THBS4: variants seen among roughly 807,000 people sequenced by gnomAD.
THBS4 encodes thrombospondin 4, also known as thrombospondin-4.
A neutral mutation model predicts 115.7 loss-of-function variants in THBS4; 90 were observed. The observed-to-expected ratio is 0.78, with a 90% CI of 0.66 to 0.93. THBS4 has a LOEUF of 0.93. THBS4 is among the 40% of genes least tolerant of loss of function. THBS4 has a pLI of 0.00. For synonymous variants in THBS4, 460 were observed against 479.3 expected (o/e 0.96, Z 0.53); for missense variants, 1,087 against 1,232.7 (o/e 0.88, Z 1.77).
intron 10 of THBS4, 76 bp from the exon 11 acceptor site, chr5:80,070,230 C>CA: frequency 7.9e-7 from 1 of 1,266,032 alleles, no homozygotes; most frequent in African/African-American, 1.5e-5. Flanking sequence ...AGCAAAGGAG[C>CA]AGAGAGGCCC....
intron 4 of THBS4, 138 bp from the exon 5 acceptor site, chr5:80,058,570 T>G (rs1833510074): frequency 1.3e-6 from 1 of 760,098 alleles, no homozygotes; most frequent in Non-Finnish European, 2.3e-6. Flanking sequence ...TTAAAGAAAT[T>G]ACCCCAAATT....
chr5:80,072,111 C>G, intron 13 of THBS4, 167 bp from the exon 14 acceptor site: 1 of 661,586 alleles, frequency 1.5e-6, no homozygotes, highest in South Asian at 1.8e-5. Flanking sequence ...ATTTTTAAGT[C>G]TCCCAGAATC....
intron 16 of THBS4, 134 bp downstream of exon 16, chr5:80,077,182 C>T: frequency 2.5e-6 from 2 of 805,882 alleles, no homozygotes; most frequent in Non-Finnish European, 3.8e-6. Context: ...CACCCAGCTT[C>T]TCTGCATAGC....
At chr5:80,059,340 A>T in intron 5 of THBS4, 100 bp from the exon 6 acceptor site, 1 of 1,176,132 alleles carries the variant, frequency 8.5e-7, no homozygotes, top group East Asian at 2.5e-5. Flanking sequence ...AAAAAAAAAA[A>T]AAAAAAGTGT....
chr5:80,038,276 T>C (rs983257210), intron 1 of THBS4, among the ~76,000 whole-genome samples: 5 of 152,234 alleles, frequency 3.3e-5, no homozygotes, highest in Non-Finnish European at 7.3e-5. Context: ...AATATTTTTC[T>C]ATGCAAAAAT....
At chr5:80,055,579 G>T (rs533591049) in intron 2 of THBS4, among the ~76,000 whole-genome samples, 1 of 108,636 alleles carries the variant, frequency 9.2e-6, no homozygotes, top group Admixed American at 9.1e-5. Context: ...GAGAAGAGTT[G>T]GTTCCCAGTG....
chr5:80,013,203 A>G (rs181339100), intron 2 of THBS4, among the ~76,000 whole-genome samples: 63 of 152,076 alleles, frequency 4.1e-4, no homozygotes, highest in African/African-American at 1.5e-3. Context: ...GCAATGGCGC[A>G]ATCTTGGCTC....
At chr5:80,016,806 T>G (rs1832260938) in intron 2 of THBS4, among the ~76,000 whole-genome samples, 1 of 152,200 alleles carries the variant, frequency 6.6e-6, no homozygotes, top group African/African-American at 2.4e-5. Context: ...TGCTTAAAAT[T>G]CCAACGTTTG....
intron 3 of THBS4, among the ~76,000 whole-genome samples, chr5:80,056,612 C>T (rs908178673): frequency 6.6e-6 from 1 of 152,186 alleles, no homozygotes; most frequent in Non-Finnish European, 1.5e-5. Flanking sequence ...ATTGCACCTG[C>T]TGTAGAAATT....
At chr5:80,076,812 C>T in intron 15 of THBS4, 43 bp from the exon 16 acceptor site, 1 of 1,454,434 alleles carries the variant, frequency 6.9e-7, no homozygotes, top group South Asian at 1.6e-5. Flanking sequence ...CTTCCTGTTC[C>T]CTGCTGAACT....
Position 80,059,508 on chromosome 5 carries a change from T to C in THBS4, c.784+17T>C, listed in dbSNP as rs149327784. The C allele has an allele frequency of 1.9e-6, 3 of 1,613,930 alleles. No individual in the cohort carries two copies. Among genetic ancestry groups the C allele is most frequent in the East Asian group, 2.2e-5 (1 of 44,864 alleles). On this transcript the variant is annotated intron_variant, in intron 6 of 21. Coordinates refer to ENST00000350881, the MANE Select transcript of THBS4 (RefSeq NM_003248.6). ...AGGCTTGCGGTAAGTGCTTTTCTAG[T>C]AATGGGCTCGCCTGAGTTGGATGAT...
intron 1 of THBS4, among the ~76,000 whole-genome samples, chr5:79,994,562 C>G (rs376719182): frequency 8.5e-5 from 13 of 152,278 alleles, no homozygotes; most frequent in East Asian, 5.8e-4. Context: ...GCCTGTAATC[C>G]TAGCACTTTG....
At chr5:80,050,707 G>A (rs987874800) in intron 2 of THBS4, among the ~76,000 whole-genome samples, 1 of 152,182 alleles carries the variant, frequency 6.6e-6, no homozygotes, top group Non-Finnish European at 1.5e-5. Context: ...GAGGGTCTTC[G>A]GGAAAGGGCT....
intron 21 of THBS4, 84 bp downstream of exon 21, chr5:80,082,629 C>CA (rs960467853): frequency 9.1e-6 from 14 of 1,538,004 alleles, no homozygotes; most frequent in Admixed American, 5.2e-5. Context: ...GCACTTCCCC[C>CA]CCAAAAGCCC....
In THBS4 at chr5:80,079,431, A is replaced by G. The variant is rs1032522799; in HGVS notation, c.2511+173A>G. On this transcript the variant is annotated intron_variant, in intron 19 of 21. Transcript: ENST00000350881. Reference sequence around the variant, plus strand: ...ACCCTTGCCTTCATTCCTGTGTGCCAGCTACATTCTAACCTCTCATGGTGG... The same window carrying G: ...ACCCTTGCCTTCATTCCTGTGTGCCGGCTACATTCTAACCTCTCATGGTGG... Among the ~76,000 whole-genome samples the G allele has an allele frequency of 3.3e-5, 5 of 152,250 alleles. No individual in the cohort carries two copies. The South Asian group carries it at 1.0e-3, about 31-fold the overall frequency.
intron 1 of THBS4, among the ~76,000 whole-genome samples, chr5:80,036,769 G>A (rs1263572637): frequency 6.6e-6 from 1 of 152,170 alleles, no homozygotes; most frequent in Admixed American, 6.5e-5. Context: ...TTGGTGCCTG[G>A]GTTGATTTAT....
intron 2 of THBS4, among the ~76,000 whole-genome samples, chr5:80,054,008 C>A (rs1168814319): frequency 6.6e-6 from 1 of 152,094 alleles, no homozygotes; most frequent in Non-Finnish European, 1.5e-5. Flanking sequence ...AGTAAAAAAA[C>A]AAGGCTGAAA....
chr5:80,074,655 GCT>G (rs1460244749), intron 15 of THBS4, among the ~76,000 whole-genome samples: 3 of 142,504 alleles, frequency 2.1e-5, no homozygotes, highest in African/African-American at 8.0e-5. Context: ...ATGGAGTCTT[GCT>G]CTGTCACCCA....
chr5:80,053,316 C>T (rs1343579023), intron 2 of THBS4, among the ~76,000 whole-genome samples: 1 of 151,900 alleles, frequency 6.6e-6, no homozygotes, highest in Admixed American at 6.6e-5. Context: ...AGTAGCCAGC[C>T]CTCTCCTTTT....
Sources: gnomAD v4.1 joint callset for allele counts (sites outside exome capture counted in the v4.1 genomes callset) on GRCh38, gnomAD v4.1.1 for gene constraint, MANE v1.5 for transcripts, NCBI Gene and HGNC (gene_info 2026-07-23, HGNC 2026-07-21) for gene names.